PRELID2: variants seen among roughly 807,000 people sequenced by gnomAD.
The protein encoded by PRELID2 is PRELI domain containing 2.
PRELID2 carries 25 observed loss-of-function variants against 28.4 expected under a neutral mutation model. The observed-to-expected ratio is 0.88, with a 90% CI of 0.64 to 1.23. The LOEUF (loss-of-function observed/expected upper bound fraction) is 1.23, where lower values mean the gene tolerates loss of function less well. Among genes scored for constraint, PRELID2 ranks in the 50% most tolerant of loss-of-function variants. PRELID2 has a pLI of 0.00. For synonymous variants in PRELID2, 76 were observed against 71.6 expected (o/e 1.06, Z -0.31); for missense variants, 201 against 214.4 (o/e 0.94, Z 0.39).
intron 4 of PRELID2, among the ~76,000 whole-genome samples, chr5:145,809,176 C>T (rs1165098496): frequency 1.3e-5 from 2 of 151,644 alleles, no homozygotes; most frequent in Non-Finnish European, 2.9e-5. Context: ...CAAGTAGTTA[C>T]GACCACAGGC....
At chr5:145,786,473 C>T (rs1752001169) in intron 5 of PRELID2, among the ~76,000 whole-genome samples, 1 of 152,192 alleles carries the variant, frequency 6.6e-6, no homozygotes, top group African/African-American at 2.4e-5. Context: ...GGCAAGGAAC[C>T]AAGGGAGGCC....
At chr5:145,385,380 C>T in the PRELID2 span, among the ~76,000 whole-genome samples, 1 of 152,132 alleles carries the variant, frequency 6.6e-6, no homozygotes, top group African/African-American at 2.4e-5. Context: ...TTTTGTCCTT[C>T]CATAGCATTT....
chr5:145,799,025 AATAT>A (rs532556100), intron 4 of PRELID2, among the ~76,000 whole-genome samples: 2 of 147,956 alleles, frequency 1.4e-5, no homozygotes, highest in Admixed American at 1.4e-4. Flanking sequence ...AGTATAATAA[AATAT>A]ATATATATAT....
intron 1 of PRELID2, among the ~76,000 whole-genome samples, chr5:145,687,595 G>A (rs917624293): frequency 4.6e-5 from 7 of 152,102 alleles, no homozygotes; most frequent in African/African-American, 1.7e-4. Flanking sequence ...TTTGTTTATC[G>A]ATGTGTTACC....
intron 1 of PRELID2, among the ~76,000 whole-genome samples, chr5:145,658,504 T>C (rs1258449772): frequency 1.3e-5 from 2 of 152,194 alleles, no homozygotes; most frequent in African/African-American, 4.8e-5. Flanking sequence ...CTCTCATGAA[T>C]GACTTAGTGC....
the PRELID2 span, among the ~76,000 whole-genome samples, chr5:145,379,605 C>A: frequency 6.6e-6 from 1 of 152,096 alleles, no homozygotes; most frequent in Non-Finnish European, 1.5e-5. Context: ...TGGCTCTGCT[C>A]ACCAAGGCTT....
chr5:145,400,295 G>T, the PRELID2 span, among the ~76,000 whole-genome samples: 1 of 151,902 alleles, frequency 6.6e-6, no homozygotes, highest in African/African-American at 2.4e-5. Context: ...CCTCAGAGAC[G>T]CCAAGTGTGT....
At chr5:145,743,845 C>T (rs1035690948) in intron 1 of PRELID2, among the ~76,000 whole-genome samples, 3 of 152,230 alleles carry the variant, frequency 2.0e-5, no homozygotes, top group Non-Finnish European at 4.4e-5. Context: ...GCTGCAGCTG[C>T]CTGCTGTCTA....
chr5:145,417,213 C>G, the PRELID2 span, among the ~76,000 whole-genome samples: 1 of 152,026 alleles, frequency 6.6e-6, no homozygotes, highest in Non-Finnish European at 1.5e-5. Flanking sequence ...AATTGAATCC[C>G]CAAACAGATT....
In PRELID2 at chr5:145,782,856, G is replaced by C. The variant is rs937134142; in HGVS notation, c.474+13586C>G. Among the ~76,000 whole-genome samples, 8 of 152,190 alleles carry C rather than the reference G, an allele frequency of 5.3e-5. No individual in the cohort carries two copies. In the East Asian group the frequency reaches 1.5e-3, roughly 29 times the overall value. ...ATCTTGGTTAGACACTGAAGGAAGG[G>C]AGAGAGAATTTTTTTTAAAAAGTCA... is the stretch of plus-strand genomic sequence containing the variant. On this transcript the variant is annotated intron_variant, in intron 5 of 6. Transcript: ENST00000683046.
At chr5:145,499,058 G>A (rs1253935035) in intron 1 of PRELID2, among the ~76,000 whole-genome samples, 1 of 152,050 alleles carries the variant, frequency 6.6e-6, no homozygotes, top group Non-Finnish European at 1.5e-5. Flanking sequence ...GACCAGCCTG[G>A]GCAACATAGC....
chr5:145,402,777 A>G, the PRELID2 span, among the ~76,000 whole-genome samples: 1 of 152,160 alleles, frequency 6.6e-6, no homozygotes, highest in Non-Finnish European at 1.5e-5. Context: ...CCTGATAGTG[A>G]GGATCACAAT....
At chr5:145,682,742 T>C (rs916066607) in intron 1 of PRELID2, among the ~76,000 whole-genome samples, 1 of 152,144 alleles carries the variant, frequency 6.6e-6, no homozygotes, top group Admixed American at 6.6e-5. Flanking sequence ...GCCACATGTG[T>C]ACAATATCAA....
intron 1 of PRELID2, among the ~76,000 whole-genome samples, chr5:145,696,037 C>T (rs754500888): frequency 3.3e-5 from 5 of 151,338 alleles, no homozygotes; most frequent in Admixed American, 2.0e-4. Context: ...ATGTGTATCT[C>T]GATATAACTC....
intron 1 of PRELID2, among the ~76,000 whole-genome samples, chr5:145,481,352 A>G (rs937114922): frequency 6.6e-6 from 1 of 151,968 alleles, no homozygotes; most frequent in African/African-American, 2.4e-5. Flanking sequence ...CCTACTTTCA[A>G]TCCTCTTAGA....
the PRELID2 span, among the ~76,000 whole-genome samples, chr5:145,304,022 T>C: frequency 6.6e-6 from 1 of 152,192 alleles, no homozygotes; most frequent in Non-Finnish European, 1.5e-5. Context: ...CACTTGGAAA[T>C]ATGCAGGTGA....
the PRELID2 span, among the ~76,000 whole-genome samples, chr5:145,368,698 A>C: frequency 6.6e-6 from 1 of 151,932 alleles, no homozygotes; most frequent in Non-Finnish European, 1.5e-5. Context: ...GTAGTCACCC[A>C]TAACAGATTT....
intron 5 of PRELID2, among the ~76,000 whole-genome samples, chr5:145,794,459 C>T (rs1178714309): frequency 6.6e-6 from 1 of 152,154 alleles, no homozygotes. Flanking sequence ...TCACTTCATT[C>T]ATCTGAGGGC....
At chr5:145,779,604 T>C (rs1011780869) in intron 5 of PRELID2, among the ~76,000 whole-genome samples, 1 of 152,192 alleles carries the variant, frequency 6.6e-6, no homozygotes, top group Non-Finnish European at 1.5e-5. Context: ...GTTTAAAATT[T>C]GCGTATGAGA....
Sources: allele counts gnomAD v4.1 joint callset (sites outside exome capture counted in the v4.1 genomes callset), GRCh38; gene constraint gnomAD v4.1.1; transcripts MANE v1.5; gene names NCBI Gene and HGNC (gene_info 2026-07-23, HGNC 2026-07-21).